The following XRCC4 variants were observed in gnomAD, a reference collection of about 807,000 sequenced individuals.
XRCC4 encodes DNA repair protein XRCC4.
Under a neutral mutation model 39.1 loss-of-function variants are expected in XRCC4, and 28 were observed. That is an observed-to-expected ratio of 0.72 (90% CI 0.53 to 0.98). The LOEUF (loss-of-function observed/expected upper bound fraction) is 0.98. XRCC4 is among the 50% of genes least tolerant of loss of function. XRCC4 has a pLI of 0.00. For synonymous variants in XRCC4, 123 were observed against 126.4 expected (o/e 0.97, Z 0.18); for missense variants, 350 against 376.4 (o/e 0.93, Z 0.58).
chr5:83,238,521 C>T (rs944397650), intron 6 of XRCC4, among the ~76,000 whole-genome samples: 1 of 152,008 alleles, frequency 6.6e-6, no homozygotes, highest in African/African-American at 2.4e-5. Flanking sequence ...AAGCTCTATC[C>T]TGAGCGAATT....
chr5:83,321,349 G>A (rs1756066815), intron 7 of XRCC4, among the ~76,000 whole-genome samples: 2 of 152,072 alleles, frequency 1.3e-5, no homozygotes, highest in Admixed American at 6.6e-5. Flanking sequence ...TTTTAGGGTT[G>A]CATAATTTGC....
intron 2 of XRCC4, among the ~76,000 whole-genome samples, chr5:83,108,156 A>G (rs1746286801): frequency 6.6e-6 from 1 of 151,900 alleles, no homozygotes; most frequent in Admixed American, 6.6e-5. Context: ...GTTCAGTTGC[A>G]TTCTTGCTGA....
chr5:83,258,952 T>C (rs1753655471), intron 7 of XRCC4: 2 of 350,248 alleles, frequency 5.7e-6, no homozygotes, highest in Non-Finnish European at 1.0e-5. Flanking sequence ...ACAAAAAATA[T>C]TGGAATCCAA....
chr5:83,114,623 C>G (rs1419162272), intron 3 of XRCC4, among the ~76,000 whole-genome samples: 1 of 152,218 alleles, frequency 6.6e-6, no homozygotes, highest in Non-Finnish European at 1.5e-5. Context: ...CAACAATTCT[C>G]TAGGAAATTC....
At chr5:83,230,857 C>G (rs1348970464) in intron 6 of XRCC4, among the ~76,000 whole-genome samples, 1 of 151,912 alleles carries the variant, frequency 6.6e-6, no homozygotes, top group Non-Finnish European at 1.5e-5. Context: ...AATGTGACAT[C>G]TCTTGAACTA....
chr5:83,207,685 C>A (rs962534281), intron 6 of XRCC4, among the ~76,000 whole-genome samples: 2 of 151,978 alleles, frequency 1.3e-5, no homozygotes, highest in African/African-American at 4.8e-5. Context: ...AGATGTTAAA[C>A]AACAAAATGG....
intron 6 of XRCC4, among the ~76,000 whole-genome samples, chr5:83,242,162 TTGTGTGTG>T (rs60919474): frequency 1.3e-3 from 190 of 145,364 alleles, no homozygotes; most frequent in African/African-American, 2.2e-3. Flanking sequence ...CGTATACACA[TTGTGTGTG>T]TGTGTGTGTG....
chr5:83,119,152 A>G (rs1580246500), intron 3 of XRCC4, among the ~76,000 whole-genome samples: 1 of 152,198 alleles, frequency 6.6e-6, no homozygotes, highest in South Asian at 2.1e-4. Flanking sequence ...TATTATTGCC[A>G]TGTGTCCCTG....
intron 7 of XRCC4, among the ~76,000 whole-genome samples, chr5:83,304,236 G>A (rs1170230560): frequency 6.9e-6 from 1 of 145,726 alleles, no homozygotes; most frequent in African/African-American, 2.6e-5. Flanking sequence ...CTGGAGTGCA[G>A]TGGTGCAATC....
intron 3 of XRCC4, among the ~76,000 whole-genome samples, chr5:83,144,442 A>G (rs1045612033): frequency 2.6e-5 from 4 of 151,934 alleles, no homozygotes; most frequent in African/African-American, 9.7e-5. Context: ...CTCAGAACAT[A>G]TCCCCACTGT....
At chr5:83,345,578 ATC>A (rs958723944) in intron 7 of XRCC4, among the ~76,000 whole-genome samples, 139 of 152,238 alleles carry the variant, frequency 9.1e-4, no homozygotes, top group African/African-American at 3.2e-3. Context: ...ATTTTCCCAG[ATC>A]TCTCTGTTTG....
At chr5:83,244,584 G>T (rs1753031271) in intron 6 of XRCC4, among the ~76,000 whole-genome samples, 1 of 152,122 alleles carries the variant, frequency 6.6e-6, no homozygotes, top group Non-Finnish European at 1.5e-5. Flanking sequence ...ACTCCTTTGG[G>T]GCTCGTTTTT....
chr5:83,109,725 A>T (rs1746359387), intron 2 of XRCC4, among the ~76,000 whole-genome samples: 1 of 152,014 alleles, frequency 6.6e-6, no homozygotes. Flanking sequence ...TTGTAGATTC[A>T]TGGAATATCT....
intron 7 of XRCC4, among the ~76,000 whole-genome samples, chr5:83,352,891 G>A (rs1198390956): frequency 6.6e-6 from 1 of 152,150 alleles, no homozygotes; most frequent in Non-Finnish European, 1.5e-5. Flanking sequence ...TTGATTATGA[G>A]TATTGTTATA....
chr5:83,119,149 G>T (rs924836693), intron 3 of XRCC4, among the ~76,000 whole-genome samples: 1 of 152,070 alleles, frequency 6.6e-6, no homozygotes, highest in Non-Finnish European at 1.5e-5. Context: ...CTATATTATT[G>T]CCATGTGTCC....
At chr5:83,373,501 C>A in the XRCC4 span, among the ~76,000 whole-genome samples, 1 of 152,244 alleles carries the variant, frequency 6.6e-6, no homozygotes, top group East Asian at 1.9e-4. Flanking sequence ...TGAATATAGT[C>A]GTGTTTTCCA....
intron 1 of XRCC4, among the ~76,000 whole-genome samples, chr5:83,101,281 C>T: frequency 6.6e-6 from 1 of 151,966 alleles, no homozygotes; most frequent in East Asian, 1.9e-4. Flanking sequence ...ACGGTATAAG[C>T]ATCTTTTAAT....
At chr5:83,319,052 C>T (rs1314946588) in intron 7 of XRCC4, among the ~76,000 whole-genome samples, 1 of 71,126 alleles carries the variant, frequency 1.4e-5, no homozygotes, top group South Asian at 7.9e-4. Flanking sequence ...AATAATGCCG[C>T]ATATCTACAA....
chr5:83,330,886 A>AT lies in XRCC4; in HGVS notation c.894-22238dup, dbSNP rs3836874. Among the ~76,000 whole-genome samples the AT allele has an allele frequency of 3.9e-5, 6 of 151,920 alleles. No individual in the cohort carries two copies. The East Asian group carries it at 5.8e-4, about 15-fold the overall frequency. On this transcript the variant is annotated intron_variant, in intron 7 of 7. Transcript: ENST00000396027. Reference sequence around the variant, plus strand: ...CATAGCAAGATCTATCTGTCAGGACATTTTTTTGACTAACATAGGCAAACA... The same window carrying AT: ...CATAGCAAGATCTATCTGTCAGGACATTTTTTTTGACTAACATAGGCAAACA...
Sources: allele counts gnomAD v4.1 joint callset (sites outside exome capture counted in the v4.1 genomes callset), GRCh38; gene constraint gnomAD v4.1.1; transcripts MANE v1.5; gene names NCBI Gene and HGNC (gene_info 2026-07-23, HGNC 2026-07-21).